OPHN1: variants seen among roughly 807,000 people sequenced by gnomAD.
OPHN1 encodes oligophrenin-1.
Under a neutral mutation model 60.7 loss-of-function variants are expected in OPHN1, and 11 were observed. That is an observed-to-expected ratio of 0.18 (90% confidence interval 0.11 to 0.30). The LOEUF is 0.30. Among genes scored for constraint, OPHN1 ranks in the 10% least tolerant of loss-of-function variants. The pLI, the probability that OPHN1 is intolerant of heterozygous loss-of-function variation, is 1.00. For synonymous variants in OPHN1, 226 were observed against 222.6 expected, an observed-to-expected ratio of 1.02 and a Z score of -0.14; for missense variants, 449 against 611.0, an observed-to-expected ratio of 0.73 and a Z score of 2.80.
chrX:68,265,927 A>G (rs982633755), intron 5 of OPHN1, among the ~76,000 whole-genome samples: 10 of 111,726 alleles, frequency 9.0e-5, no homozygotes, highest in African/African-American at 3.3e-4. Flanking sequence ...AAAGGGTATC[A>G]GTGACGGAAG....
At chrX:68,184,526 GA>G (rs375862781) in intron 15 of OPHN1, among the ~76,000 whole-genome samples, 884 of 63,268 alleles carry the variant, frequency 0.014, 11 homozygotes, top group African/African-American at 0.042. Context: ...CGTCTCAAAA[GA>G]AAAAAAAAAA....
intron 2 of OPHN1, among the ~76,000 whole-genome samples, chrX:68,333,913 TG>T (rs2078309074): frequency 1.0e-5 from 1 of 99,420 alleles, no homozygotes; most frequent in Non-Finnish European, 2.0e-5. Context: ...TTTTTTGGGT[TG>T]GGGGAGCCAG....
intron 5 of OPHN1, among the ~76,000 whole-genome samples, chrX:68,235,514 G>A (rs1452475397): frequency 9.0e-6 from 1 of 110,664 alleles, no homozygotes; most frequent in Non-Finnish European, 1.9e-5. Flanking sequence ...AGGAAGCTAG[G>A]GCAGAGCTGA....
intron 3 of OPHN1, among the ~76,000 whole-genome samples, chrX:68,288,076 G>A (rs979496627): frequency 1.8e-5 from 2 of 111,737 alleles, no homozygotes; most frequent in African/African-American, 3.3e-5. Flanking sequence ...TTGCTTGATC[G>A]GAAGACTGCA....
chrX:68,262,303 CTT>C (rs1376579616), intron 5 of OPHN1, among the ~76,000 whole-genome samples: 2 of 112,026 alleles, frequency 1.8e-5, no homozygotes, highest in South Asian at 7.5e-4. Context: ...CATGAGAAGA[CTT>C]TTGATTTTCT....
chrX:68,217,555 G>T (rs1249044553), intron 6 of OPHN1, among the ~76,000 whole-genome samples: 1 of 109,560 alleles, frequency 9.1e-6, no homozygotes, highest in Non-Finnish European at 1.9e-5. Context: ...GAGGGCAGTG[G>T]TTCTCCCAGC....
At chrX:68,120,977 T>C (rs1375811165) in intron 15 of OPHN1, among the ~76,000 whole-genome samples, 3 of 112,021 alleles carry the variant, frequency 2.7e-5, no homozygotes, top group South Asian at 3.7e-4. Flanking sequence ...TTACACTGTA[T>C]ACAAAAATCA....
intron 15 of OPHN1, among the ~76,000 whole-genome samples, chrX:68,163,458 G>GTGTA (rs1491158810): frequency 2.4e-3 from 191 of 80,859 alleles, no homozygotes; most frequent in African/African-American, 9.0e-3. Context: ...GTGTGTGTGT[G>GTGTA]TATATATACC....
intron 2 of OPHN1, among the ~76,000 whole-genome samples, chrX:68,416,067 TAGAGAGAGAGAGAG>T (rs1171250178): frequency 0.013 from 109 of 8,278 alleles, no homozygotes; most frequent in Non-Finnish European, 0.025. Context: ...TATATATATA[TAGAGAGAGAGAGAG>T]AGAGAGAGAG....
intron 2 of OPHN1, among the ~76,000 whole-genome samples, chrX:68,331,099 TTATA>T (rs1057425040): frequency 5.3e-4 from 56 of 105,066 alleles, no homozygotes; most frequent in Admixed American, 5.1e-3. Flanking sequence ...GTACATAAAA[TTATA>T]TATATAATTT....
chrX:68,064,188 T>C lies in OPHN1; in HGVS notation c.1835-11A>G. On this transcript the variant is annotated splice_polypyrimidine_tract_variant and intron_variant, in intron 20 of 24. Transcript: ENST00000355520. ...GATGTTGGATTTCATCTAGGAAAAG[T>C]TGGTGCCAAGAGGGAAGATTAATGA... 8.3e-7 allele frequency: 1 copy of C among 1,206,987 alleles called. No individual in the cohort carries two copies. Among genetic ancestry groups the C allele is most frequent in the Non-Finnish European group, 1.1e-6 (1 of 891,354 alleles).
intron 15 of OPHN1, among the ~76,000 whole-genome samples, chrX:68,157,676 C>A (rs1317675017): frequency 1.8e-5 from 2 of 108,783 alleles, no homozygotes; most frequent in Non-Finnish European, 3.8e-5. Flanking sequence ...CCTGCCCACG[C>A]ACCCCCTGTA....
intron 12 of OPHN1, among the ~76,000 whole-genome samples, chrX:68,194,919 G>A (rs962709016): frequency 9.5e-6 from 1 of 105,818 alleles, no homozygotes; most frequent in African/African-American, 3.5e-5. Context: ...AGTGAGCTGA[G>A]ATCACACCAC....
At chrX:68,229,886 T>C (rs1221617059) in intron 6 of OPHN1, among the ~76,000 whole-genome samples, 2 of 111,540 alleles carry the variant, frequency 1.8e-5, no homozygotes, top group African/African-American at 6.5e-5. Flanking sequence ...CCAAAAGCAA[T>C]GGCAACAAAA....
At chrX:68,105,199 T>C (rs903932331) in intron 18 of OPHN1, among the ~76,000 whole-genome samples, 2 of 110,297 alleles carry the variant, frequency 1.8e-5, no homozygotes, top group Non-Finnish European at 1.9e-5. Flanking sequence ...ATGCTTTTAC[T>C]CTGTCGGTGG....
At chrX:68,127,388 CT>C (rs934541194) in intron 15 of OPHN1, among the ~76,000 whole-genome samples, 3 of 110,899 alleles carry the variant, frequency 2.7e-5, no homozygotes, top group South Asian at 3.8e-4. Flanking sequence ...TTATTTTTTT[CT>C]TTTTTTTAAA....
chrX:68,330,183 T>G lies in OPHN1; in HGVS notation c.155-31087A>C, dbSNP rs1408043668. Among the ~76,000 whole-genome samples the G allele has an allele frequency of 3.7e-5, 4 of 108,781 alleles. No homozygotes were observed. The Admixed American group carries it at 4.0e-4, about 11-fold the overall frequency. 94.5% of individuals were successfully genotyped at this position (108,781 alleles called of 115,157 possible). ...AGCAAGATCTCGGCTCACAGCAACC[T>G]CCACCTCCTGGGTTCAAGCGATTCT... is the stretch of plus-strand genomic sequence containing the variant. On this transcript the variant is annotated intron_variant, in intron 2 of 24. Transcript: ENST00000355520.
chrX:68,248,051 T>C (rs1225587222), intron 5 of OPHN1, among the ~76,000 whole-genome samples: 1 of 111,325 alleles, frequency 9.0e-6, no homozygotes, highest in Non-Finnish European at 1.9e-5. Flanking sequence ...TAAGCACTCA[T>C]AGTACAAAGT....
chrX:68,228,491 A>C (rs1602255554), intron 6 of OPHN1, among the ~76,000 whole-genome samples: 2 of 112,051 alleles, frequency 1.8e-5, no homozygotes, highest in South Asian at 7.6e-4. Flanking sequence ...TCCCTGATGA[A>C]CATCAATGTA....
Sources: allele counts gnomAD v4.1 joint callset (sites outside exome capture counted in the v4.1 genomes callset), GRCh38; gene constraint gnomAD v4.1.1; transcripts MANE v1.5; gene names NCBI Gene and HGNC (gene_info 2026-07-23, HGNC 2026-07-21).